The following CIB1 variants were observed in gnomAD, a reference collection of about 807,000 sequenced individuals.
CIB1 encodes calcium and integrin binding 1, also known as calcium and integrin-binding protein 1.
A neutral mutation model predicts 25.0 loss-of-function variants in CIB1; 19 were observed. The observed-to-expected ratio is 0.76, with a 90% CI of 0.53 to 1.12. CIB1 has a LOEUF of 1.12. Ranked by LOEUF, CIB1 falls within the 50% of genes most tolerant of loss-of-function variation. The pLI, the probability that CIB1 is intolerant of heterozygous loss-of-function variation, is 0.00. For missense variants in CIB1, 236 were observed against 242.6 expected (o/e 0.97, Z 0.18); for synonymous variants, 104 against 98.5 (o/e 1.06, Z -0.33).
intron 3 of CIB1, 70 bp from the exon 4 acceptor site, chr15:90,231,577 G>A (rs1171887537): frequency 1.9e-6 from 3 of 1,561,182 alleles, no homozygotes; most frequent in African/African-American, 1.4e-5. Flanking sequence ...AAACTTGAGA[G>A]AGCAGGTCAC....
Position 90,231,161 on chromosome 15 carries a change from G to A in CIB1, c.399C>T (p.Asn133=). ...LNREDLSRLV[N]CLTGEGEDTR... ...TGTCCTCGCCCTCTCCCGTGAGGCA[G>A]TTCACCAGCCGGCTCAGGTCTTCTC... Residue 133 remains asparagine (N), a synonymous_variant, in exon 5 of 7, where the codon AAC becomes AAT. Coordinates refer to ENST00000328649, the MANE Select transcript of CIB1 (RefSeq NM_006384.4). 1 of 1,614,216 alleles carries A rather than the reference G, an allele frequency of 6.2e-7. No homozygotes were observed. Among genetic ancestry groups the A allele is most frequent in the Non-Finnish European group, 8.5e-7 (1 of 1,180,048 alleles).
upstream of CIB1, chr15:90,235,963 T>C (rs1398818663): frequency 6.6e-6 from 1 of 152,262 alleles, no homozygotes; most frequent in Non-Finnish European, 1.5e-5. Flanking sequence ...GCTGTCATTA[T>C]GTCTCCTGTA....
At chr15:90,251,655 C>T in the CIB1 span, 1 of 1,581,356 alleles carries the variant, frequency 6.3e-7, no homozygotes, top group Non-Finnish European at 8.7e-7. Flanking sequence ...AGCTGCTGTT[C>T]TTCCTCTGGA....
intron 2 of CIB1, among the ~76,000 whole-genome samples, chr15:90,233,000 C>T (rs1005544939): frequency 1.3e-5 from 2 of 152,084 alleles, no homozygotes; most frequent in African/African-American, 4.8e-5. Context: ...GGATCTCTTA[C>T]CCTCAAAGCC....
rs1459239582 is a variant in CIB1 at position 90,230,480 on chromosome 15, G to A, written c.*4C>T. The A allele has an allele frequency of 6.4e-7, 1 of 1,551,678 alleles. No homozygotes were observed. The highest frequency in any genetic ancestry group is 8.7e-7 in the Non-Finnish European group (1 of 1,146,990). ...GGGTGCCAGGACACACGCTGGGGCT[G>A]CTGTCACAGGACAATCTTAAAGGAG... On this transcript the variant is annotated 3_prime_UTR_variant, in exon 7 of 7. Transcript: ENST00000328649.
the CIB1 span, among the ~76,000 whole-genome samples, chr15:90,261,010 T>C: frequency 6.6e-6 from 1 of 152,084 alleles, no homozygotes; most frequent in African/African-American, 2.4e-5. Flanking sequence ...AGTAAGATTA[T>C]GGAAGGCTTT....
the CIB1 span, chr15:90,262,965 G>A: frequency 6.5e-7 from 1 of 1,535,324 alleles, no homozygotes. Context: ...GTACCTTGTA[G>A]CTGCTGCCGG....
At chr15:90,253,184 C>A in the CIB1 span, 1 of 1,390,766 alleles carries the variant, frequency 7.2e-7, no homozygotes. Flanking sequence ...CCTGACCCAG[C>A]TACACAGTTC....
At chr15:90,258,342 G>A in the CIB1 span, 1 of 1,306,388 alleles carries the variant, frequency 7.7e-7, no homozygotes, top group Non-Finnish European at 1.1e-6. Context: ...TGGGACAGGG[G>A]TACACTCAGG....
chr15:90,239,574 C>T, the CIB1 span, among the ~76,000 whole-genome samples: 1 of 152,166 alleles, frequency 6.6e-6, no homozygotes, highest in Non-Finnish European at 1.5e-5. Flanking sequence ...GGAGAACTCA[C>T]TATCACGAGA....
chr15:90,236,695 A>C (rs1226560491), upstream of CIB1, among the ~76,000 whole-genome samples: 1 of 150,832 alleles, frequency 6.6e-6, no homozygotes, highest in Non-Finnish European at 1.5e-5. Flanking sequence ...CACCACGCCC[A>C]GCTAATTTTT....
At chr15:90,256,581 CTTTCTTTCTTTCTTTCT>C in the CIB1 span, among the ~76,000 whole-genome samples, 24 of 35,696 alleles carry the variant, frequency 6.7e-4, 2 homozygotes, top group South Asian at 8.8e-3. Context: ...TTCTTTCTTT[CTTTCTTTCTTTCTTTCT>C]TTCTTTCTTT....
chr15:90,262,511 C>T, the CIB1 span: 13 of 1,506,536 alleles, frequency 8.6e-6, no homozygotes, highest in Admixed American at 2.3e-5. Context: ...AGAGGAGATC[C>T]GCCTTAAGCA....
At chr15:90,233,069 T>C (rs141963865) in intron 2 of CIB1, among the ~76,000 whole-genome samples, 58 of 151,828 alleles carry the variant, frequency 3.8e-4, no homozygotes, top group African/African-American at 1.4e-3. Context: ...TCCCATGAGC[T>C]TATCTTTGCC....
chr15:90,249,920 G>A, the CIB1 span: 2 of 152,172 alleles, frequency 1.3e-5, no homozygotes, highest in East Asian at 3.9e-4. Context: ...CCAGCGTAGG[G>A]GGCTTTTGGT....
At chr15:90,257,967 G>T in the CIB1 span, 1 of 1,444,296 alleles carries the variant, frequency 6.9e-7, no homozygotes, top group South Asian at 1.2e-5. Flanking sequence ...GTTAGTGTGA[G>T]GGAGCCTCCT....
chr15:90,248,712 C>A, the CIB1 span, among the ~76,000 whole-genome samples: 1 of 80,996 alleles, frequency 1.2e-5, no homozygotes, highest in Non-Finnish European at 2.2e-5. Context: ...AAGCAAGACC[C>A]TGTCTCAAAA....
the CIB1 span, chr15:90,263,042 T>C: frequency 5.2e-6 from 8 of 1,536,098 alleles, no homozygotes; most frequent in Admixed American, 2.0e-5. Context: ...ATGAAGGCCC[T>C]GCTACAAAGG....
the CIB1 span, among the ~76,000 whole-genome samples, chr15:90,248,828 A>G: frequency 6.8e-6 from 1 of 146,212 alleles, no homozygotes; most frequent in Non-Finnish European, 1.5e-5. Flanking sequence ...GTATAATTTT[A>G]GGGTGACAAG....
Sources: allele counts gnomAD v4.1 joint callset (sites outside exome capture counted in the v4.1 genomes callset), GRCh38; gene constraint gnomAD v4.1.1; transcripts MANE v1.5; gene names NCBI Gene and HGNC (gene_info 2026-07-23, HGNC 2026-07-21).